LOC400499: variants seen among roughly 807,000 people sequenced by gnomAD.
the LOC400499 span, chr16:11,491,821 G>C: frequency 2.5e-6 from 1 of 398,848 alleles, no homozygotes; most frequent in African/African-American, 2.1e-5. Flanking sequence ...TCCAGGGATT[G>C]GTATAGACGG....
chr16:11,376,216 C>T, the LOC400499 span, among the ~76,000 whole-genome samples: 1 of 152,192 alleles, frequency 6.6e-6, no homozygotes, highest in South Asian at 2.1e-4. Context: ...TCTGTTTCTC[C>T]TTTTGTTGCT....
the LOC400499 span, among the ~76,000 whole-genome samples, chr16:11,482,736 A>G: frequency 6.6e-6 from 1 of 151,952 alleles, no homozygotes; most frequent in Non-Finnish European, 1.5e-5. Context: ...ACAAAAAGAG[A>G]AAAAAACTTA....
chr16:11,482,511 G>A, the LOC400499 span, among the ~76,000 whole-genome samples: 4 of 152,184 alleles, frequency 2.6e-5, no homozygotes, highest in African/African-American at 7.2e-5. Context: ...AAGACTTCCT[G>A]CTATTTTTTG....
At chr16:11,444,163 G>A in the LOC400499 span, among the ~76,000 whole-genome samples, 63 of 152,282 alleles carry the variant, frequency 4.1e-4, no homozygotes, top group South Asian at 5.4e-3. Flanking sequence ...TTTGGAAGGT[G>A]AGGCAAGAGG....
At chr16:11,484,846 G>A in the LOC400499 span, 3 of 398,854 alleles carry the variant, frequency 7.5e-6, no homozygotes, top group Non-Finnish European at 1.3e-5. Flanking sequence ...GGCCTGCCTG[G>A]GGGAGTACAG....
the LOC400499 span, among the ~76,000 whole-genome samples, chr16:11,496,714 G>T: frequency 6.6e-6 from 1 of 152,276 alleles, no homozygotes; most frequent in East Asian, 1.9e-4. Flanking sequence ...GCACAGCCCA[G>T]TGTGTCTTGG....
the LOC400499 span, among the ~76,000 whole-genome samples, chr16:11,424,970 G>A: frequency 6.6e-6 from 1 of 152,172 alleles, no homozygotes; most frequent in Non-Finnish European, 1.5e-5. Flanking sequence ...GACGTCCCAG[G>A]GAAGGAGACA....
At chr16:11,422,063 G>A in the LOC400499 span, among the ~76,000 whole-genome samples, 1 of 152,200 alleles carries the variant, frequency 6.6e-6, no homozygotes, top group East Asian at 1.9e-4. Flanking sequence ...CAAAGTCTTC[G>A]AGTTTGCAAC....
At chr16:11,397,905 G>A in the LOC400499 span, among the ~76,000 whole-genome samples, 1 of 152,058 alleles carries the variant, frequency 6.6e-6, no homozygotes, top group Admixed American at 6.6e-5. Flanking sequence ...ATGGAAGATA[G>A]GAAGGAGGAT....
the LOC400499 span, chr16:11,435,623 G>A: frequency 2.5e-6 from 1 of 399,186 alleles, no homozygotes. Context: ...GGCCTCTGTG[G>A]TCTCCCTGCC....
chr16:11,425,206 C>T, the LOC400499 span: 3 of 398,950 alleles, frequency 7.5e-6, no homozygotes, highest in Non-Finnish European at 1.3e-5. Flanking sequence ...CAGGCGCCAC[C>T]CAGAGCCAGG....
chr16:11,480,731 G>A, the LOC400499 span, among the ~76,000 whole-genome samples: 1 of 152,240 alleles, frequency 6.6e-6, no homozygotes, highest in Non-Finnish European at 1.5e-5. Context: ...AAGAAAGCAG[G>A]CCCAAGAGTC....
the LOC400499 span, among the ~76,000 whole-genome samples, chr16:11,389,665 A>T: frequency 1.3e-5 from 2 of 149,604 alleles, no homozygotes; most frequent in Non-Finnish European, 3.0e-5. Flanking sequence ...AGCCTGGGCA[A>T]CAAGAGCAAA....
At chr16:11,389,061 TG>T in the LOC400499 span, among the ~76,000 whole-genome samples, 1 of 152,190 alleles carries the variant, frequency 6.6e-6, no homozygotes, top group South Asian at 2.1e-4. Flanking sequence ...TACTCCAGCC[TG>T]GGCAACAAAG....
chr16:11,526,758 T>C, the LOC400499 span, among the ~76,000 whole-genome samples: 2 of 152,098 alleles, frequency 1.3e-5, no homozygotes, highest in African/African-American at 4.8e-5. Context: ...GTCGCCCAAG[T>C]TGGAGTGCAG....
At chr16:11,425,746 G>A in the LOC400499 span, among the ~76,000 whole-genome samples, 12 of 152,262 alleles carry the variant, frequency 7.9e-5, no homozygotes, top group African/African-American at 2.6e-4. Context: ...CGCTCCAGAC[G>A]TCTTCGCTGG....
the LOC400499 span, chr16:11,384,136 C>A: frequency 1.6e-6 from 2 of 1,215,174 alleles, no homozygotes; most frequent in Non-Finnish European, 2.1e-6. Flanking sequence ...CATCAGGCCG[C>A]CTGCCTCTCC....
At chr16:11,454,813 A>T in the LOC400499 span, among the ~76,000 whole-genome samples, 1 of 152,246 alleles carries the variant, frequency 6.6e-6, no homozygotes, top group Non-Finnish European at 1.5e-5. Flanking sequence ...AGAACAAAGG[A>T]ATAAACCAAG....
chr16:11,503,204 C>T, the LOC400499 span, among the ~76,000 whole-genome samples: 6 of 151,956 alleles, frequency 3.9e-5, no homozygotes, highest in African/African-American at 7.3e-5. Context: ...TGTGAGCCAT[C>T]GCGCCCACCC....
Sources: gnomAD v4.1 joint callset for allele counts (sites outside exome capture counted in the v4.1 genomes callset) on GRCh38, gnomAD v4.1.1 for gene constraint, MANE v1.5 for transcripts.